Variants in IFT56 observed in about 807,000 individuals in gnomAD.
The protein encoded by IFT56 is intraflagellar transport 56, also known as intraflagellar transport protein 56.
the IFT56 span, among the ~76,000 whole-genome samples, chr7:139,184,695 G>A: frequency 1.3e-5 from 2 of 152,190 alleles, no homozygotes; most frequent in East Asian, 1.9e-4. Flanking sequence ...GATTGCTTAA[G>A]GCCAGGAGTT....
the IFT56 span, among the ~76,000 whole-genome samples, chr7:139,152,931 C>T: frequency 1.3e-5 from 2 of 151,798 alleles, no homozygotes; most frequent in African/African-American, 2.4e-5. Context: ...GGCGGATTGC[C>T]TGAGCTCAGG....
chr7:139,176,358 T>G, the IFT56 span, among the ~76,000 whole-genome samples: 1 of 151,898 alleles, frequency 6.6e-6, no homozygotes, highest in Non-Finnish European at 1.5e-5. Flanking sequence ...CCCACAAAAA[T>G]TAAAAAAAAT....
chr7:139,178,135 T>C, the IFT56 span: 7 of 1,026,732 alleles, frequency 6.8e-6, no homozygotes, highest in East Asian at 1.7e-4. Flanking sequence ...GTCTTTAAAT[T>C]ATTAAATAAC....
chr7:139,138,374 A>G, the IFT56 span, among the ~76,000 whole-genome samples: 1 of 152,222 alleles, frequency 6.6e-6, no homozygotes, highest in Non-Finnish European at 1.5e-5. Flanking sequence ...TGCCTAACTT[A>G]TAAATTAAAC....
chr7:139,143,602 T>A, the IFT56 span, among the ~76,000 whole-genome samples: 5 of 151,982 alleles, frequency 3.3e-5, no homozygotes, highest in African/African-American at 1.2e-4. Context: ...TATAAATGAG[T>A]TTTGTGGGTT....
chr7:139,165,791 T>C, the IFT56 span, among the ~76,000 whole-genome samples: 2 of 152,272 alleles, frequency 1.3e-5, no homozygotes, highest in Non-Finnish European at 2.9e-5. Flanking sequence ...GCAGCCACCA[T>C]GCATTTGTGG....
At chr7:139,147,401 C>A in the IFT56 span, 1 of 893,924 alleles carries the variant, frequency 1.1e-6, no homozygotes. Flanking sequence ...GTGTTCAAAT[C>A]TGTTTAGTTG....
At chr7:139,178,159 A>G in the IFT56 span, 1 of 1,236,442 alleles carries the variant, frequency 8.1e-7, no homozygotes, top group Non-Finnish European at 1.2e-6. Flanking sequence ...AACTTCAGCT[A>G]AAGAGGATTT....
chr7:139,146,852 G>T, the IFT56 span: 1 of 474,416 alleles, frequency 2.1e-6, no homozygotes. Flanking sequence ...AAAAAGAAAA[G>T]GAAAGGGAGA....
the IFT56 span, among the ~76,000 whole-genome samples, chr7:139,149,034 G>C: frequency 2.6e-5 from 4 of 151,864 alleles, no homozygotes; most frequent in Admixed American, 1.3e-4. Context: ...GGCCAGGCAC[G>C]GTGGCTCACG....
the IFT56 span, chr7:139,181,150 C>T: frequency 7.1e-5 from 114 of 1,613,142 alleles, no homozygotes; most frequent in African/African-American, 1.3e-3. Flanking sequence ...TGGAAACCTC[C>T]GGCGAGTCCT....
chr7:139,139,270 G>A, the IFT56 span, among the ~76,000 whole-genome samples: 2 of 152,216 alleles, frequency 1.3e-5, no homozygotes, highest in African/African-American at 4.8e-5. Flanking sequence ...GAAAAGGACA[G>A]AATAGAGGAT....
chr7:139,144,082 A>G, the IFT56 span, among the ~76,000 whole-genome samples: 2 of 151,864 alleles, frequency 1.3e-5, no homozygotes, highest in African/African-American at 4.8e-5. Context: ...AATTAGCCAT[A>G]TTTTTCCTTT....
the IFT56 span, among the ~76,000 whole-genome samples, chr7:139,175,855 A>G: frequency 1.3e-5 from 2 of 151,784 alleles, no homozygotes; most frequent in African/African-American, 2.4e-5. Context: ...TTTGAGATGG[A>G]GTCTTGCTCT....
At chr7:139,185,080 A>T in the IFT56 span, among the ~76,000 whole-genome samples, 2 of 150,646 alleles carry the variant, frequency 1.3e-5, no homozygotes, top group Admixed American at 1.3e-4. Context: ...GTAGCTGGGC[A>T]TGGTGGCTAC....
chr7:139,180,931 C>G, the IFT56 span, among the ~76,000 whole-genome samples: 1 of 152,132 alleles, frequency 6.6e-6, no homozygotes, highest in Non-Finnish European at 1.5e-5. Context: ...AGAATTCTGG[C>G]AGGGAGCCAG....
At chr7:139,134,869 T>C in the IFT56 span, 1 of 1,483,230 alleles carries the variant, frequency 6.7e-7, no homozygotes, top group Non-Finnish European at 9.1e-7. Flanking sequence ...TGCTGTTTGC[T>C]ATGCTCTTGA....
the IFT56 span, among the ~76,000 whole-genome samples, chr7:139,155,687 A>T: frequency 2.6e-5 from 4 of 152,058 alleles, no homozygotes; most frequent in African/African-American, 9.7e-5. Flanking sequence ...TTTGCTAAGA[A>T]TTTTTTGGAG....
the IFT56 span, chr7:139,187,260 G>T: frequency 1.1e-6 from 1 of 947,606 alleles, no homozygotes; most frequent in Non-Finnish European, 1.5e-6. Context: ...ATTGGGAATT[G>T]AAGTTTTTCT....
Sources: gnomAD v4.1 joint callset for allele counts (sites outside exome capture counted in the v4.1 genomes callset) on GRCh38, gnomAD v4.1.1 for gene constraint, MANE v1.5 for transcripts, NCBI Gene and HGNC (gene_info 2026-07-23, HGNC 2026-07-21) for gene names.